The following LARGE1 variants were observed in gnomAD, a reference collection of about 807,000 sequenced individuals.
LARGE1 encodes LARGE xylosyl- and glucuronyltransferase 1.
A neutral mutation model predicts 87.6 loss-of-function variants in LARGE1; 43 were observed. The ratio of observed to expected loss-of-function variants is 0.49; its 90% CI spans 0.38 to 0.63. The LOEUF is 0.63. LARGE1 is among the 30% of genes least tolerant of loss of function. LARGE1 has a pLI of 0.00. For missense variants in LARGE1, 802 were observed against 1,000.2 expected, an observed-to-expected ratio of 0.80 and a Z score of 2.67; for synonymous variants, 434 against 394.6, an observed-to-expected ratio of 1.10 and a Z score of -1.18.
chr22:33,717,146 C>T (rs1289426865), intron 2 of LARGE1, among the ~76,000 whole-genome samples: 1 of 152,120 alleles, frequency 6.6e-6, no homozygotes, highest in Non-Finnish European at 1.5e-5. Flanking sequence ...CTCTTCTTTC[C>T]TCCCTCCATC....
chr22:33,902,234 T>A (rs889957892), intron 1 of LARGE1, among the ~76,000 whole-genome samples: 5 of 152,184 alleles, frequency 3.3e-5, no homozygotes, highest in Non-Finnish European at 5.9e-5. Flanking sequence ...CAAGACTCTC[T>A]CACACACGGG....
chr22:33,416,555 T>TG (rs1054144160), intron 7 of LARGE1, among the ~76,000 whole-genome samples: 21 of 151,960 alleles, frequency 1.4e-4, no homozygotes, highest in African/African-American at 4.3e-4. Context: ...GTGTTTTTTT[T>TG]GGGGGGCGGG....
intron 11 of LARGE1, among the ~76,000 whole-genome samples, chr22:33,311,069 T>G (rs892776878): frequency 3.9e-5 from 6 of 152,020 alleles, no homozygotes; most frequent in Non-Finnish European, 8.8e-5. Flanking sequence ...CACACCATTC[T>G]TCTGCCTCAG....
chr22:33,530,479 T>C (rs1259353352), intron 6 of LARGE1, among the ~76,000 whole-genome samples: 1 of 137,784 alleles, frequency 7.3e-6, no homozygotes, highest in Non-Finnish European at 1.6e-5. Flanking sequence ...TTTTTTTTTT[T>C]AGCCATCAGA....
intron 2 of LARGE1, chr22:33,750,717 C>T (rs114194276): frequency 1.3e-3 from 196 of 152,096 alleles, no homozygotes; most frequent in African/African-American, 4.5e-3. Flanking sequence ...TAATTAGAGC[C>T]GTGTCATTGC....
At chr22:33,395,101 C>G (rs375340417) in intron 7 of LARGE1, among the ~76,000 whole-genome samples, 21 of 152,012 alleles carry the variant, frequency 1.4e-4, no homozygotes, top group Middle Eastern at 3.4e-3. Context: ...TGGTGGCGGG[C>G]CCCTGTAGTC....
chr22:33,089,357 C>G, the LARGE1 span, among the ~76,000 whole-genome samples: 4 of 79,088 alleles, frequency 5.1e-5, no homozygotes, highest in South Asian at 2.1e-3. Flanking sequence ...TCTTCTTCTT[C>G]TTCTTCTTCT....
intron 11 of LARGE1, among the ~76,000 whole-genome samples, chr22:33,232,792 A>G (rs1448789736): frequency 2.0e-4 from 30 of 152,188 alleles, no homozygotes; most frequent in Non-Finnish European, 1.5e-4. Context: ...TGGGGGAGTA[A>G]CGGCAGCCAT....
chr22:33,335,935 C>G lies in LARGE1; in HGVS notation c.1287+1711G>C, dbSNP rs1014556662. Among the ~76,000 whole-genome samples the G allele has an allele frequency of 5.3e-5, 8 of 152,172 alleles. No homozygotes were observed. The South Asian group carries it at 1.7e-3, about 32-fold the overall frequency. ...CTGCGAGTTTAGTTATTAACTGTGTCTCCTCCACCAGAATATAAACATCAT... is the reference window on the plus strand; with the variant it reads ...CTGCGAGTTTAGTTATTAACTGTGTGTCCTCCACCAGAATATAAACATCAT... On this transcript the variant is annotated intron_variant, in intron 10 of 14. Transcript: ENST00000397394.
chr22:33,325,262 T>C (rs1156273654), intron 10 of LARGE1, among the ~76,000 whole-genome samples: 1 of 152,228 alleles, frequency 6.6e-6, no homozygotes, highest in Non-Finnish European at 1.5e-5. Context: ...CATATTTTGC[T>C]CTCTTCCTGG....
At chr22:33,742,026 T>C (rs984395371) in intron 2 of LARGE1, among the ~76,000 whole-genome samples, 3 of 152,314 alleles carry the variant, frequency 2.0e-5, no homozygotes, top group South Asian at 4.1e-4. Flanking sequence ...ATTTAACCAT[T>C]TGGGGCCTCA....
chr22:33,422,111 C>T (rs2066714384), intron 7 of LARGE1, among the ~76,000 whole-genome samples: 1 of 152,230 alleles, frequency 6.6e-6, no homozygotes, highest in African/African-American at 2.4e-5. Context: ...TGCATCCAGC[C>T]AGCCTGTTGA....
intron 2 of LARGE1, among the ~76,000 whole-genome samples, chr22:33,694,398 T>C (rs996220025): frequency 1.3e-5 from 2 of 152,226 alleles, no homozygotes; most frequent in African/African-American, 4.8e-5. Flanking sequence ...CTGCCTCTAG[T>C]GAACCTTTCT....
chr22:33,352,601 A>T (rs1482233695), intron 9 of LARGE1, among the ~76,000 whole-genome samples: 1 of 151,986 alleles, frequency 6.6e-6, no homozygotes, highest in African/African-American at 2.4e-5. Flanking sequence ...TTAAAAAAAA[A>T]TACAAAAATT....
At chr22:33,753,734 A>G (rs572701898) in intron 2 of LARGE1, among the ~76,000 whole-genome samples, 1 of 152,270 alleles carries the variant, frequency 6.6e-6, no homozygotes, top group East Asian at 1.9e-4. Flanking sequence ...GATAGCCAAT[A>G]TTATTTTAAG....
At chr22:33,467,667 A>T (rs1038383406) in intron 6 of LARGE1, among the ~76,000 whole-genome samples, 3 of 152,240 alleles carry the variant, frequency 2.0e-5, no homozygotes, top group Non-Finnish European at 4.4e-5. Context: ...TTTTACTGTC[A>T]AATGAAAAGG....
chr22:33,571,746 A>AGG (rs2078211313), intron 5 of LARGE1, among the ~76,000 whole-genome samples: 1 of 152,124 alleles, frequency 6.6e-6, no homozygotes, highest in Non-Finnish European at 1.5e-5. Context: ...TTTAGTACCC[A>AGG]AAGTTTGGTG....
chr22:33,365,515 A>G (rs1287460425), intron 9 of LARGE1, among the ~76,000 whole-genome samples: 1 of 152,070 alleles, frequency 6.6e-6, no homozygotes, highest in Non-Finnish European at 1.5e-5. Context: ...GACTGTTTAC[A>G]TGTTTTACAG....
intron 12 of LARGE1, among the ~76,000 whole-genome samples, chr22:33,300,566 G>T (rs947509695): frequency 1.3e-5 from 2 of 152,010 alleles, no homozygotes; most frequent in Non-Finnish European, 2.9e-5. Context: ...TTTGGAGATG[G>T]AGTCTCACTC....
Sources: gnomAD v4.1 joint callset for allele counts (sites outside exome capture counted in the v4.1 genomes callset) on GRCh38, gnomAD v4.1.1 for gene constraint, MANE v1.5 for transcripts, NCBI Gene and HGNC (gene_info 2026-07-23, HGNC 2026-07-21) for gene names.